The following LCP1 variants were observed in gnomAD, a reference collection of about 807,000 sequenced individuals.
The protein encoded by LCP1 is plastin-2.
LCP1 carries 23 observed loss-of-function variants against 72.0 expected under a neutral mutation model. That is an observed-to-expected ratio of 0.32 (90% CI 0.23 to 0.45). LCP1 has a LOEUF of 0.45. LCP1 is among the 20% of genes least tolerant of loss of function. The pLI is 1.00. For synonymous variants in LCP1, 245 were observed against 275.4 expected (o/e 0.89, Z 1.09); for missense variants, 571 against 748.3 (o/e 0.76, Z 2.76).
intron 9 of LCP1, among the ~76,000 whole-genome samples, chr13:46,147,697 C>A (rs543838710): frequency 3.9e-5 from 6 of 152,260 alleles, no homozygotes; most frequent in Admixed American, 2.0e-4. Flanking sequence ...TTTTGAACCA[C>A]TCAATGTGCT....
intron 6 of LCP1, chr13:46,153,236 C>T: frequency 4.6e-6 from 1 of 218,368 alleles, no homozygotes; most frequent in East Asian, 9.7e-5. Flanking sequence ...TTCCATCTTG[C>T]TCTGTGATGA....
In LCP1 at chr13:46,152,788, C is replaced by T. The variant is rs138605281; in HGVS notation, c.731G>A (p.Arg244Lys). ...TTGGGACTTGCTCTTACCTTCATTT[C>T]TGCTGAGTTCAATGTCAGCAAACAA... ...IGLFADIELS[R>K]NEALIALLRE... The change falls in exon 7 of 16, where the codon AGA (arginine) becomes AAA (lysine). Residue 244 changes from arginine to lysine, a missense_variant. Physicochemically the swap from Arg to Lys is conservative, Grantham distance 26. Coordinates refer to ENST00000323076, the MANE Select transcript of LCP1 (RefSeq NM_002298.5). The T allele has an allele frequency of 8.4e-4, 1,361 of 1,613,462 alleles. 3 individuals carry two copies. The highest frequency in any genetic ancestry group is 1.7e-3 in the Middle Eastern group (10 of 5,846).
At chr13:46,170,551 A>G (rs2045900036) in intron 1 of LCP1, among the ~76,000 whole-genome samples, 1 of 152,194 alleles carries the variant, frequency 6.6e-6, no homozygotes, top group Non-Finnish European at 1.5e-5. Flanking sequence ...GCAGTGACTG[A>G]ATGAGGGGCA....
chr13:46,169,653 T>A (rs1238858561), intron 1 of LCP1: 3 of 152,326 alleles, frequency 2.0e-5, no homozygotes, highest in African/African-American at 7.2e-5. Flanking sequence ...CCAATTGACA[T>A]GGCACACTAC....
intron 1 of LCP1, among the ~76,000 whole-genome samples, chr13:46,162,248 TCCCTCCCCCTCCCCCTCCCTCC>T (rs1410916143): frequency 3.9e-5 from 4 of 102,964 alleles, no homozygotes; most frequent in Non-Finnish European, 8.0e-5. Flanking sequence ...GTTCTCCCTC[TCCCTCCCCCTCCCCCTCCCTCC>T]CCCTCCCCCT....
chr13:46,151,096 C>A lies in LCP1; in HGVS notation c.740-18G>T. The A allele has an allele frequency of 1.3e-6, 2 of 1,597,698 alleles. No individual in the cohort carries two copies. Among genetic ancestry groups the A allele is most frequent in the Admixed American group, 1.8e-5 (1 of 54,820 alleles). ...AATCAGAGCTGAAGAAGCACAAAAACCACAGAAAAATAAATGCAGCGATGT... is the reference window on the plus strand; with the variant it reads ...AATCAGAGCTGAAGAAGCACAAAAAACACAGAAAAATAAATGCAGCGATGT... On this transcript the variant is annotated intron_variant, in intron 7 of 15. Transcript: ENST00000323076.
chr13:46,171,999 T>C (rs1274700605), intron 1 of LCP1, among the ~76,000 whole-genome samples: 3 of 152,240 alleles, frequency 2.0e-5, no homozygotes, highest in Non-Finnish European at 4.4e-5. Flanking sequence ...TGAGTATGTA[T>C]GGATTTTAGT....
chr13:46,152,654 C>T, intron 7 of LCP1, 126 bp downstream of exon 7: 1 of 915,400 alleles, frequency 1.1e-6, no homozygotes, highest in Non-Finnish European at 1.6e-6. Flanking sequence ...GACATGAATA[C>T]CATGGAATCA....
At chr13:46,153,109 A>T (rs2045779323) in intron 6 of LCP1, 164 bp from the exon 7 acceptor site, 1 of 650,338 alleles carries the variant, frequency 1.5e-6, no homozygotes, top group Non-Finnish European at 2.5e-6. Flanking sequence ...TCATAACCAG[A>T]AGAGAAAATC....
intron 1 of LCP1, among the ~76,000 whole-genome samples, chr13:46,174,961 A>G (rs370689770): frequency 2.0e-5 from 3 of 152,200 alleles, no homozygotes; most frequent in African/African-American, 7.2e-5. Flanking sequence ...ATGTTAGAAG[A>G]TACAAAACAG....
intron 8 of LCP1, among the ~76,000 whole-genome samples, chr13:46,149,765 T>C (rs1211434609): frequency 6.6e-6 from 1 of 152,248 alleles, no homozygotes; most frequent in Non-Finnish European, 1.5e-5. Context: ...AGCCATTTAA[T>C]GACAGGAAAT....
At chr13:46,144,044 C>T (rs755566455) in intron 11 of LCP1, among the ~76,000 whole-genome samples, 6 of 150,890 alleles carry the variant, frequency 4.0e-5, no homozygotes, top group East Asian at 1.9e-4. Context: ...CCAGCCTGGG[C>T]GACAGAGCGA....
At chr13:46,134,373 C>T in intron 13 of LCP1, 123 bp from the exon 14 acceptor site, 1 of 761,810 alleles carries the variant, frequency 1.3e-6, no homozygotes, top group Non-Finnish European at 2.1e-6. Flanking sequence ...GACACCATTA[C>T]ATTTGAGAGA....
Position 46,152,881 on chromosome 13 carries a change from G to T in LCP1, c.638C>A (p.Ala213Asp). ...AIGCHVVNIG[A>D]EDLKEGKPYL... ...AGGCTTCCCCTCCTTCAGGTCCTCA[G>T]CCCCTATGTTGACCACATGGCACCC... The change falls in exon 7 of 16, where the codon GCT (alanine) becomes GAT (aspartate). Residue 213 changes from alanine (A) to aspartate (D), a missense_variant. Physicochemically the swap from Ala to Asp is moderately radical, Grantham distance 126. Transcript: ENST00000323076. The T allele has an allele frequency of 6.2e-7, 1 of 1,614,104 alleles. No individual in the cohort carries two copies. The highest frequency in any genetic ancestry group is 8.5e-7 in the Non-Finnish European group (1 of 1,179,994).
intron 6 of LCP1, among the ~76,000 whole-genome samples, chr13:46,153,731 A>G (rs1366001823): frequency 3.3e-5 from 5 of 152,154 alleles, no homozygotes. Flanking sequence ...ACGAAAATGA[A>G]AAATAGATAC....
chr13:46,153,572 G>A (rs1421028175), intron 6 of LCP1, among the ~76,000 whole-genome samples: 2 of 151,882 alleles, frequency 1.3e-5, no homozygotes, highest in East Asian at 1.9e-4. Flanking sequence ...ATGGTGGCAG[G>A]TGCCTGTAAT....
intron 13 of LCP1, among the ~76,000 whole-genome samples, chr13:46,139,398 C>T (rs1222437508): frequency 6.6e-6 from 1 of 152,214 alleles, no homozygotes; most frequent in Non-Finnish European, 1.5e-5. Context: ...GAAATACTGA[C>T]ACGATTACAT....
At position 46,180,181 on chromosome 13, in the gene LCP1, T is replaced by G. The variant is rs112423926; in HGVS notation, c.-25+1930A>C. On this transcript the variant is annotated intron_variant, in intron 1 of 15. Transcript: ENST00000323076. ...GCCATCTACTGCCCCCCACCCCAAC[T>G]GCCCAGTGACCTATGGCCGGTTCCT... Among the ~76,000 whole-genome samples, 1,311 of 152,260 alleles carry G rather than the reference T, an allele frequency of 8.6e-3. 21 individuals carry two copies. The highest frequency in any genetic ancestry group is 0.03 in the African/African-American group (1,236 of 41,548).
At chr13:46,128,546 C>T (rs938312740) in intron 15 of LCP1, among the ~76,000 whole-genome samples, 11 of 151,892 alleles carry the variant, frequency 7.2e-5, no homozygotes, top group African/African-American at 2.4e-4. Flanking sequence ...TGCAGTGAGC[C>T]AAGATCGTGC....
Sources: allele counts gnomAD v4.1 joint callset (sites outside exome capture counted in the v4.1 genomes callset), GRCh38; gene constraint gnomAD v4.1.1; transcripts MANE v1.5; gene names NCBI Gene and HGNC (gene_info 2026-07-23, HGNC 2026-07-21).